ALG10B: variants seen among roughly 807,000 people sequenced by gnomAD.
The protein encoded by ALG10B is dol-P-Glc:Glc(2)Man(9)GlcNAc(2)-PP-Dol alpha-1,2-glucosyltransferase B.
In ALG10B, 27 loss-of-function variants were observed where a neutral mutation model predicts 38.7. The ratio of observed to expected loss-of-function variants is 0.70; its 90% CI spans 0.51 to 0.96. The LOEUF (loss-of-function observed/expected upper bound fraction) is 0.96, where lower values mean the gene tolerates loss of function less well. Ranked by LOEUF, ALG10B falls within the 40% of genes least tolerant of loss-of-function variation. The pLI is 0.00. For missense variants in ALG10B, 522 were observed against 542.7 expected, an observed-to-expected ratio of 0.96 and a Z score of 0.38; for synonymous variants, 177 against 193.3, an observed-to-expected ratio of 0.92 and a Z score of 0.70.
At position 38,321,806 on chromosome 12, in the gene ALG10B, C is replaced by G. The variant is rs1945707423; in HGVS notation, c.*593C>G. 6.6e-6 allele frequency: 1 copy of G among 152,598 alleles called. No homozygotes were observed. The highest frequency in any genetic ancestry group is 2.4e-5 in the African/African-American group (1 of 41,428). 9.5% of individuals were successfully genotyped at this position (152,598 alleles called of 1,614,324 possible). On this transcript the variant is annotated 3_prime_UTR_variant, in exon 3 of 3. Coordinates refer to ENST00000308742, the MANE Select transcript of ALG10B (RefSeq NM_001013620.4). ...AAAGTAGAGACTCATATATGTCTGT[C>G]TAGGCATCAAATTGTTGGTTATTGT...
rs1403339614 is a variant in ALG10B, at chr12:38,323,827, G to C, written c.*2614G>C. ...TTTACTATAGTGGAGAACTAAATCT[G>C]GGAAGTCAAAATTGAAAAAAGAATG... On this transcript the variant is annotated 3_prime_UTR_variant, in exon 3 of 3. Transcript: ENST00000308742. The C allele has an allele frequency of 1.4e-6, 1 of 696,342 alleles. No individual in the cohort carries two copies. The highest frequency in any genetic ancestry group is 2.6e-6 in the Non-Finnish European group (1 of 382,734). 43.1% of individuals were successfully genotyped at this position (696,342 alleles called of 1,614,324 possible).
At position 38,328,831 on chromosome 12, in the gene ALG10B, A is replaced by T. The variant is rs954926634; in HGVS notation, c.*7618A>T. On this transcript the variant is annotated 3_prime_UTR_variant, in exon 3 of 3. Transcript: ENST00000308742. The stretch of plus-strand genomic sequence containing the variant: ...AATCTTTTCCCACAAACAATGAGTG[A>T]TGATATCTCATTTGAAAACTCGTGT... 5.5e-6 allele frequency: 1 copy of T among 181,760 alleles called. No individual in the cohort carries two copies. Among genetic ancestry groups the T allele is most frequent in the African/African-American group, 2.3e-5 (1 of 42,894 alleles). 11.3% of individuals were successfully genotyped at this position (181,760 alleles called of 1,614,324 possible). A position where few individuals can be genotyped will look rare whatever the true frequency, so the allele number is the denominator to read the frequency against.
chr12:38,327,387 G>C lies in ALG10B; in HGVS notation c.*6174G>C, dbSNP rs1402227939. 2 of 152,066 alleles carry C rather than the reference G, an allele frequency of 1.3e-5. No individual in the cohort carries two copies. Among genetic ancestry groups the C allele is most frequent in the East Asian group, 3.9e-4 (2 of 5,186 alleles). The allele number at this position is 152,066 out of a possible 1,614,324, so 9.4% of individuals were successfully genotyped here. A position where few individuals can be genotyped will look rare whatever the true frequency, so the allele number is the denominator to read the frequency against. On this transcript the variant is annotated 3_prime_UTR_variant, in exon 3 of 3. Coordinates refer to ENST00000308742, the MANE Select transcript of ALG10B (RefSeq NM_001013620.4). The stretch of plus-strand genomic sequence containing the variant: ...AGAAAAAGTAACAATAATAATGATG[G>C]TTGCCATCATTCATTGAACACCTAT...
At position 38,329,498 on chromosome 12, in the gene ALG10B, C is replaced by G. The variant is rs1046067; in HGVS notation, c.*8285C>G. ...ATATTTGAAAAATTCTCTGTGGAATCACAATCTCTTATTTTTAAGAATGTA... is the reference window on the plus strand; with the variant it reads ...ATATTTGAAAAATTCTCTGTGGAATGACAATCTCTTATTTTTAAGAATGTA... On this transcript the variant is annotated 3_prime_UTR_variant, in exon 3 of 3. Transcript: ENST00000308742. 3 of 319,374 alleles carry G rather than the reference C, an allele frequency of 9.4e-6. No individual in the cohort carries two copies. The highest frequency in any genetic ancestry group is 1.7e-5 in the Non-Finnish European group (3 of 177,602). 19.8% of individuals were successfully genotyped at this position (319,374 alleles called of 1,614,324 possible).
In ALG10B at chr12:38,317,499, A is replaced by T. The variant is rs144409292; in HGVS notation, c.171+435A>T. The T allele has an allele frequency of 4.8e-3, 893 of 184,950 alleles. 8 individuals carry two copies. Among genetic ancestry groups the T allele is most frequent in the African/African-American group, 0.021 (872 of 42,282 alleles). 11.5% of individuals were successfully genotyped at this position (184,950 alleles called of 1,614,324 possible). A position where few individuals can be genotyped will look rare whatever the true frequency, so the allele number is the denominator to read the frequency against. ...AGGGATCTTCGGCTACCAAAAAGTG[A>T]CAATTTATAATCACAAATTCCTTCC... On this transcript the variant is annotated intron_variant, in intron 1 of 2. Coordinates refer to ENST00000308742, the MANE Select transcript of ALG10B (RefSeq NM_001013620.4).
In ALG10B at chr12:38,329,063, A is replaced by G. The variant is rs558410310; in HGVS notation, c.*7850A>G. The G allele has an allele frequency of 2.5e-6, 1 of 396,068 alleles. No homozygotes were observed. Among genetic ancestry groups the G allele is most frequent in the African/African-American group, 2.1e-5 (1 of 48,704 alleles). The allele number at this position is 396,068 out of a possible 1,614,324, so 24.5% of individuals were successfully genotyped here. On this transcript the variant is annotated 3_prime_UTR_variant, in exon 3 of 3. Transcript: ENST00000308742. ...ATTCTTAACTCTATTGTTATGATGG[A>G]GAAAGGCATGAAGTCTACCTTCAAA...
rs916916893 is a variant in ALG10B, at chr12:38,329,165, G to A, written c.*7952G>A. On this transcript the variant is annotated 3_prime_UTR_variant, in exon 3 of 3. Transcript: ENST00000308742. ...CTAGTTTTATAGGTCAGAAAAATGA[G>A]GTCCACACTAATTTTGCCTCTTCCA... 14 of 398,132 alleles carry A rather than the reference G, an allele frequency of 3.5e-5. No homozygotes were observed. The highest frequency in any genetic ancestry group is 6.2e-4 in the Middle Eastern group (1 of 1,606). 24.7% of individuals were successfully genotyped at this position (398,132 alleles called of 1,614,324 possible). A position where few individuals can be genotyped will look rare whatever the true frequency, so the allele number is the denominator to read the frequency against.
chr12:38,320,645 G>C lies in ALG10B; in HGVS notation c.854G>C (p.Cys285Ser), dbSNP rs1412395011. ...VIGDRSSHEA[C>S]LHFPQLFYFF... is the part of the protein sequence containing the mutation. ...GGCGATCGGAGTAGTCATGAAGCCT[G>C]TCTTCATTTTCCTCAACTATTCTAC... is the stretch of plus-strand genomic sequence containing the variant. The change falls in exon 3 of 3, where the codon TGT becomes TCT. Residue 285 changes from cysteine to serine, a missense_variant. By Grantham distance (112) the Cys-to-Ser change is moderately radical (BLOSUM62 -1). Coordinates refer to ENST00000308742, the MANE Select transcript of ALG10B (RefSeq NM_001013620.4). 1.2e-6 allele frequency: 2 copies of C among 1,613,714 alleles called. No individual in the cohort carries two copies.
rs182869425 is a variant in ALG10B, at chr12:38,323,811, G to A, written c.*2598G>A. The A allele has an allele frequency of 1.0e-5, 7 of 691,380 alleles. No individual in the cohort carries two copies. Among genetic ancestry groups the A allele is most frequent in the Middle Eastern group, 4.7e-4 (2 of 4,282 alleles). 42.8% of individuals were successfully genotyped at this position (691,380 alleles called of 1,614,324 possible). Reference sequence around the variant, plus strand: ...ATACTTTTGTCATTAATTTACTATAGTGGAGAACTAAATCTGGGAAGTCAA... The same window carrying A: ...ATACTTTTGTCATTAATTTACTATAATGGAGAACTAAATCTGGGAAGTCAA... On this transcript the variant is annotated 3_prime_UTR_variant, in exon 3 of 3. Coordinates refer to ENST00000308742, the MANE Select transcript of ALG10B (RefSeq NM_001013620.4).
chr12:38,320,970 T>A lies in ALG10B; in HGVS notation c.1179T>A (p.Ile393=). Residue 393 remains isoleucine (I), a synonymous_variant, in exon 3 of 3, where the codon ATT becomes ATA. Coordinates refer to ENST00000308742, the MANE Select transcript of ALG10B (RefSeq NM_001013620.4). ...SIADSLKSKP[I]FWNLMFFICL... ...CTGACTCATTGAAATCAAAGCCAAT[T>A]TTTTGGAATTTAATGTTTTTCATAT... 7 of 1,613,502 alleles carry A rather than the reference T, an allele frequency of 4.3e-6. No homozygotes were observed. The highest frequency in any genetic ancestry group is 2.2e-5 in the South Asian group (2 of 90,946).
chr12:38,319,344 G>T (rs963350860), intron 2 of ALG10B, among the ~76,000 whole-genome samples: 2 of 152,182 alleles, frequency 1.3e-5, no homozygotes, highest in Admixed American at 6.5e-5. Context: ...ACAATGAGGT[G>T]CAGGGAATTG....
In ALG10B at chr12:38,323,318, CTT is replaced by C. The variant is rs1484519421; in HGVS notation, c.*2107_*2108del. The C allele has an allele frequency of 3.3e-5, 5 of 152,306 alleles. No individual in the cohort carries two copies. The highest frequency in any genetic ancestry group is 1.3e-4 in the Admixed American group (2 of 15,294). The allele number at this position is 152,306 out of a possible 1,614,324, so 9.4% of individuals were successfully genotyped here. On this transcript the variant is annotated 3_prime_UTR_variant, in exon 3 of 3. Coordinates refer to ENST00000308742, the MANE Select transcript of ALG10B (RefSeq NM_001013620.4). ...AAAGTTGAGAAATCCTTTGGTCTGA[CTT>C]TGTAGATTAGGGAACAACTGCTGGG...
chr12:38,317,959 A>G (rs1161757382), intron 1 of ALG10B: 1 of 403,472 alleles, frequency 2.5e-6, no homozygotes, highest in Non-Finnish European at 4.6e-6. Flanking sequence ...GCTTTTAAAA[A>G]CTGGAGCATT....
intron 1 of ALG10B, 70 bp downstream of exon 1, chr12:38,317,134 C>G (rs778792747): frequency 3.7e-6 from 6 of 1,604,812 alleles, no homozygotes; most frequent in Admixed American, 1.7e-5. Context: ...CTCCTTCTCC[C>G]ATCTTTAGAC....
In ALG10B at chr12:38,320,690, T is replaced by C; in HGVS notation, c.899T>C (p.Phe300Ser). Reference protein sequence around the residue: ...QLFYFFSFTLFFSFPHLLSPS... With the variant: ...QLFYFFSFTLSFSFPHLLSPS... ...TTCTACTTTTTTTCATTTACTCTCT[T>C]TTTTTCTTTTCCTCATCTCCTGTCT... Residue 300 changes from phenylalanine to serine, a missense_variant, in exon 3 of 3, where the codon TTT (phenylalanine) becomes TCT (serine). Physicochemically the swap from Phe to Ser is radical, Grantham distance 155 (BLOSUM62 -2). Transcript: ENST00000308742. 6.2e-7 allele frequency: 1 copy of C among 1,613,788 alleles called. No homozygotes were observed. Among genetic ancestry groups the C allele is most frequent in the Non-Finnish European group, 8.5e-7 (1 of 1,179,798 alleles).
chr12:38,327,082 T>C lies in ALG10B; in HGVS notation c.*5869T>C, dbSNP rs1271696466. On this transcript the variant is annotated 3_prime_UTR_variant, in exon 3 of 3. Coordinates refer to ENST00000308742, the MANE Select transcript of ALG10B (RefSeq NM_001013620.4). ...ACGTATTTATATATACAAATTTGTATATATGTAATGTATGTGTGTGTGTAT... is the reference window on the plus strand; with the variant it reads ...ACGTATTTATATATACAAATTTGTACATATGTAATGTATGTGTGTGTGTAT... 6.7e-6 allele frequency: 1 copy of C among 149,318 alleles called. No individual in the cohort carries two copies. Among genetic ancestry groups the C allele is most frequent in the Non-Finnish European group, 1.5e-5 (1 of 67,496 alleles). The allele number at this position is 149,318 out of a possible 1,614,324, so 9.2% of individuals were successfully genotyped here.
chr12:38,320,401 A>T lies in ALG10B; in HGVS notation c.610A>T (p.Lys204Ter). Residue 204 changes from lysine to a stop codon, truncating the protein, a stop_gained, in exon 3 of 3, where the codon AAG (lysine) becomes TAG (stop). Transcript: ENST00000308742. LOFTEE classifies it high-confidence loss of function. ...CTGTGCAGGGAATGTCATTGCACAA[A>T]AGTTAACTGAGGCTTGGAAAACTGA... ...VFCAGNVIAQKLTEAWKTELQ... is the reference protein window; with the variant it reads ...VFCAGNVIAQ 7 of 1,614,106 alleles carry T rather than the reference A, an allele frequency of 4.3e-6. No homozygotes were observed. Among genetic ancestry groups the T allele is most frequent in the Non-Finnish European group, 5.1e-6 (6 of 1,179,978 alleles).
Position 38,316,857 on chromosome 12 carries a change from A to C in ALG10B, c.-37A>C. The C allele has an allele frequency of 6.2e-7, 1 of 1,613,818 alleles. No individual in the cohort carries two copies. Among genetic ancestry groups the C allele is most frequent in the Non-Finnish European group, 8.5e-7 (1 of 1,179,886 alleles). Reference sequence around the variant, plus strand: ...CGGGTTTCCGGGCTCAGAATTTTCCAGGAGTGGGTTCTTGGGCAGTGGCTG... The same window carrying C: ...CGGGTTTCCGGGCTCAGAATTTTCCCGGAGTGGGTTCTTGGGCAGTGGCTG... On this transcript the variant is annotated 5_prime_UTR_variant, in exon 1 of 3. Coordinates refer to ENST00000308742, the MANE Select transcript of ALG10B (RefSeq NM_001013620.4).
chr12:38,323,767 G>A lies in ALG10B; in HGVS notation c.*2554G>A. 1.6e-6 allele frequency: 1 copy of A among 630,054 alleles called. No individual in the cohort carries two copies. Among genetic ancestry groups the A allele is most frequent in the Admixed American group, 2.7e-5 (1 of 37,566 alleles). 39.0% of individuals were successfully genotyped at this position (630,054 alleles called of 1,614,324 possible). On this transcript the variant is annotated 3_prime_UTR_variant, in exon 3 of 3. Coordinates refer to ENST00000308742, the MANE Select transcript of ALG10B (RefSeq NM_001013620.4). ...CAGACTTCTTAAAAATTAGATGAGA[G>A]AGGACACTCAAAGAAATTATACTTT...
Sources: gnomAD v4.1 joint callset for allele counts (sites outside exome capture counted in the v4.1 genomes callset) on GRCh38, gnomAD v4.1.1 for gene constraint, MANE v1.5 for transcripts, NCBI Gene and HGNC (gene_info 2026-07-23, HGNC 2026-07-21) for gene names.